DPEP1: variants seen among roughly 807,000 people sequenced by gnomAD.
DPEP1 encodes beta-lactamase.
In DPEP1, 50 loss-of-function variants were observed where a neutral mutation model predicts 42.3. The ratio of observed to expected loss-of-function variants is 1.18; its 90% CI spans 0.94 to 1.50. The LOEUF is 1.50. Ranked by LOEUF, DPEP1 falls within the 40% of genes most tolerant of loss-of-function variation. The pLI is 0.00. For missense variants in DPEP1, 663 were observed against 553.0 expected, an observed-to-expected ratio of 1.20 and a Z score of -1.99; for synonymous variants, 297 against 234.0, an observed-to-expected ratio of 1.27 and a Z score of -2.46.
rs2059712219 is a variant in DPEP1 at position 89,638,359 on chromosome 16, T to A, written c.*137T>A. On this transcript the variant is annotated 3_prime_UTR_variant, in exon 11 of 11. Coordinates refer to ENST00000690203, the MANE Select transcript of DPEP1 (RefSeq NM_001389466.1). Reference sequence around the variant, plus strand: ...TCCTGAGAGGACGCCTGGGCTTACCTGGGGGGCAGGATGCCTGGGGACAGT... The same window carrying A: ...TCCTGAGAGGACGCCTGGGCTTACCAGGGGGGCAGGATGCCTGGGGACAGT... The A allele has an allele frequency of 7.0e-7, 1 of 1,423,728 alleles. No individual in the cohort carries two copies. The highest frequency in any genetic ancestry group is 1.4e-5 in the African/African-American group (1 of 69,392). The allele number at this position is 1,423,728 out of a possible 1,614,324, so 88.2% of individuals were successfully genotyped here.
chr16:89,617,981 G>A (rs2059398949), intron 1 of DPEP1, among the ~76,000 whole-genome samples: 1 of 152,058 alleles, frequency 6.6e-6, no homozygotes, highest in South Asian at 2.1e-4. Flanking sequence ...CTGAGATTGT[G>A]CCCCTGCACT....
At position 89,637,368 on chromosome 16, in the gene DPEP1, C is replaced by T. The variant is rs1271670095; in HGVS notation, c.756C>T (p.Val252=). The T allele has an allele frequency of 6.2e-7, 1 of 1,612,352 alleles. No individual in the cohort carries two copies. Among genetic ancestry groups the T allele is most frequent in the Non-Finnish European group, 8.5e-7 (1 of 1,179,926 alleles). The change falls in exon 7 of 11, where the codon GTC becomes GTT. Residue 252 remains valine (V), a synonymous_variant. Coordinates refer to ENST00000690203, the MANE Select transcript of DPEP1 (RefSeq NM_001389466.1). ...CASRRNVPDD[V]LRLVKQTDSL... The stretch of plus-strand genomic sequence containing the variant: ...GCCGGCGCAACGTGCCTGACGACGT[C>T]CTGAGGCTGGTGGTGAGGGCCGAGG...
At chr16:89,625,078 G>A (rs1281421694) in intron 1 of DPEP1, among the ~76,000 whole-genome samples, 1 of 152,046 alleles carries the variant, frequency 6.6e-6, no homozygotes, top group Non-Finnish European at 1.5e-5. Flanking sequence ...TTTGGAAGTT[G>A]GTGTTAATTG....
rs3764254 is a variant in DPEP1, at chr16:89,620,283, G to T, written c.-107+6564G>T. On this transcript the variant is annotated intron_variant, in intron 1 of 10. Transcript: ENST00000690203. ...TCAGGGAGGTGGCTGGGGTCTGCCA[G>T]TGGGGGGGACACACGACCTGGGACC... 0.024 allele frequency among the ~76,000 whole-genome samples: 3,622 copies of T among 152,136 alleles called. 625 individuals carry two copies. The East Asian group carries it at 0.49, about 20-fold the overall frequency.
chr16:89,617,786 G>GGTCGGGCGCGGCGGCTCACACCT (rs1246823256), intron 1 of DPEP1, among the ~76,000 whole-genome samples: 5 of 152,278 alleles, frequency 3.3e-5, no homozygotes, highest in South Asian at 2.1e-4. Context: ...CGCTGTGGGA[G>GGTCGGGCGCGGCGGCTCACACCT]GCCAAGACGG....
intron 1 of DPEP1, among the ~76,000 whole-genome samples, chr16:89,625,253 G>C (rs1038741124): frequency 6.6e-6 from 1 of 151,964 alleles, no homozygotes; most frequent in Non-Finnish European, 1.5e-5. Flanking sequence ...GATTCAGCAC[G>C]AATTGGCCTA....
rs1159770061 is a variant in DPEP1 at position 89,636,698 on chromosome 16, A to G, written c.521+15A>G. 2.5e-6 allele frequency: 4 copies of G among 1,611,396 alleles called. No individual in the cohort carries two copies. The highest frequency in any genetic ancestry group is 1.7e-5 in the Admixed American group (1 of 59,952). On this transcript the variant is annotated intron_variant, in intron 5 of 10. Coordinates refer to ENST00000690203, the MANE Select transcript of DPEP1 (RefSeq NM_001389466.1). ...AACACGCCCTGGTGCGTGACTCCCCATGGGAGGCCCCCGGGCTGTGGTCAG... is the reference window on the plus strand; with the variant it reads ...AACACGCCCTGGTGCGTGACTCCCCGTGGGAGGCCCCCGGGCTGTGGTCAG...
Position 89,636,679 on chromosome 16 carries a change from C to G in DPEP1, c.517C>G (p.Pro173Ala), listed in dbSNP as rs754200920. The G allele has an allele frequency of 3.7e-6, 6 of 1,612,316 alleles. No homozygotes were observed. The highest frequency in any genetic ancestry group is 5.1e-6 in the Non-Finnish European group (6 of 1,179,878). ...GACCCTCACCCACAGCTGCAACACG[C>G]CCTGGTGCGTGACTCCCCATGGGAG... Reference protein sequence around the residue: ...YLTLTHSCNTPWADNWLVDTG... With the variant: ...YLTLTHSCNTAWADNWLVDTG... Residue 173 changes from proline (P) to alanine (A), a missense_variant, in exon 5 of 11, where the codon CCC (proline) becomes GCC (alanine). Physicochemically the swap from Pro to Ala is conservative, Grantham distance 27 (BLOSUM62 -1). Transcript: ENST00000690203.
chr16:89,626,048 G>A (rs879695734), intron 1 of DPEP1, among the ~76,000 whole-genome samples: 2 of 152,194 alleles, frequency 1.3e-5, no homozygotes, highest in African/African-American at 2.4e-5. Flanking sequence ...GTGCTCGGAA[G>A]ACATGTGCCT....
At chr16:89,619,958 C>A (rs936561945) in intron 1 of DPEP1, among the ~76,000 whole-genome samples, 1 of 142,386 alleles carries the variant, frequency 7.0e-6, no homozygotes, top group Non-Finnish European at 1.5e-5. Flanking sequence ...AGGTCTCCAC[C>A]CTGCCTTGGG....
rs2059352040 is a variant in DPEP1 at position 89,613,691 on chromosome 16, GGGA to G, written c.-133_-131del. The G allele has an allele frequency of 1.3e-5, 2 of 152,742 alleles. No individual in the cohort carries two copies. The highest frequency in any genetic ancestry group is 1.3e-4 in the Admixed American group (2 of 15,294). The allele number at this position is 152,742 out of a possible 1,614,324, so 9.5% of individuals were successfully genotyped here. On this transcript the variant is annotated 5_prime_UTR_variant, in exon 1 of 11. Transcript: ENST00000690203. ...GAGCTGCCTAGGCCGGGCCCTGCCA[GGGA>G]GCAAGTCTGCATCGCAGAGGCCAGG... is the stretch of plus-strand genomic sequence containing the variant.
At chr16:89,637,790 C>A (rs2059703584) in intron 9 of DPEP1, 46 bp from the exon 10 acceptor site, 1 of 1,612,586 alleles carries the variant, frequency 6.2e-7, no homozygotes, top group East Asian at 2.2e-5. Flanking sequence ...GGAGGAGGGA[C>A]CTGTGTCCTA....
chr16:89,618,940 G>GCAGCTCCCTGC (rs2059410431), intron 1 of DPEP1, among the ~76,000 whole-genome samples: 2 of 38,376 alleles, frequency 5.2e-5, no homozygotes, highest in South Asian at 7.1e-4. Flanking sequence ...GCAGCTCCCT[G>GCAGCTCCCTGC]CCCCCCTGCT....
At position 89,622,899 on chromosome 16, in the gene DPEP1, A is replaced by G. The variant is rs564703341; in HGVS notation, c.-106-7406A>G. ...GAAGAGTGTGTCTGTGAGGAGGACT[A>G]GGGGGCCTCACTGGGAACGTTCCAG... On this transcript the variant is annotated intron_variant, in intron 1 of 10. Coordinates refer to ENST00000690203, the MANE Select transcript of DPEP1 (RefSeq NM_001389466.1). 6.6e-5 allele frequency among the ~76,000 whole-genome samples: 10 copies of G among 152,080 alleles called. No homozygotes were observed. The East Asian group carries it at 1.4e-3, about 21-fold the overall frequency.
chr16:89,628,106 TA>T (rs2059539797), intron 1 of DPEP1, among the ~76,000 whole-genome samples: 1 of 151,752 alleles, frequency 6.6e-6, no homozygotes, highest in African/African-American at 2.4e-5. Context: ...TTATTTTTGG[TA>T]GAGACGGGGT....
rs745460361 is a variant in DPEP1, at chr16:89,636,844, C to CA, written c.522-21dup. On this transcript the variant is annotated intron_variant, in intron 5 of 10. Coordinates refer to ENST00000690203, the MANE Select transcript of DPEP1 (RefSeq NM_001389466.1). ...CCGAGACCACCGCTCACCTCTTGGG[C>CA]ACCTGCCTTTTGCTTCTCCAGGGCT... The CA allele has an allele frequency of 4.5e-5, 73 of 1,612,114 alleles. No homozygotes were observed. The African/African-American group carries it at 4.8e-4, about 11-fold the overall frequency.
chr16:89,640,446 C>A, downstream of DPEP1: 1 of 524,616 alleles, frequency 1.9e-6, no homozygotes, highest in Non-Finnish European at 2.4e-6. Flanking sequence ...TGGCTGGAGG[C>A]CCTGAGTCGA....
At chr16:89,620,978 G>A (rs540510011) in intron 1 of DPEP1, among the ~76,000 whole-genome samples, 2 of 152,320 alleles carry the variant, frequency 1.3e-5, no homozygotes, top group African/African-American at 2.4e-5. Context: ...AGTGAAGGGC[G>A]AGAGTCTCAG....
At chr16:89,632,726 C>T (rs1270446769) in intron 2 of DPEP1, among the ~76,000 whole-genome samples, 1 of 152,164 alleles carries the variant, frequency 6.6e-6, no homozygotes, top group Non-Finnish European at 1.5e-5. Flanking sequence ...CACTGAGAAA[C>T]CAGAGGCCCC....
Sources: gnomAD v4.1 joint callset for allele counts (sites outside exome capture counted in the v4.1 genomes callset) on GRCh38, gnomAD v4.1.1 for gene constraint, MANE v1.5 for transcripts, NCBI Gene and HGNC (gene_info 2026-07-23, HGNC 2026-07-21) for gene names.